The following PEBP4 variants were observed in gnomAD, a reference collection of about 807,000 sequenced individuals.
PEBP4 encodes phosphatidylethanolamine binding protein 4.
In PEBP4, 22 loss-of-function variants were observed where a neutral mutation model predicts 23.9. The observed-to-expected ratio is 0.92, with a 90% CI of 0.66 to 1.31. PEBP4 has a LOEUF of 1.31. PEBP4 is among the 40% of genes most tolerant of loss of function. The pLI is 0.00. For missense variants in PEBP4, 324 were observed against 281.7 expected (o/e 1.15, Z -1.07); for synonymous variants, 112 against 99.3 (o/e 1.13, Z -0.76).
intron 6 of PEBP4, among the ~76,000 whole-genome samples, chr8:22,723,408 G>A (rs191267923): frequency 4.6e-5 from 7 of 152,224 alleles, no homozygotes; most frequent in Admixed American, 2.6e-4. Context: ...ATCTCCCGAT[G>A]CTCTATCCTT....
intron 3 of PEBP4, among the ~76,000 whole-genome samples, chr8:22,833,514 T>C (rs1009245105): frequency 1.3e-5 from 2 of 152,144 alleles, no homozygotes; most frequent in South Asian, 2.1e-4. Context: ...GTATTTTTGG[T>C]AGAGATGGGG....
intron 4 of PEBP4, 124 bp from the exon 5 acceptor site, chr8:22,727,344 A>G (rs62494330): frequency 1.1e-6 from 1 of 941,134 alleles, no homozygotes; most frequent in East Asian, 2.6e-5. Flanking sequence ...ATGGGAGAAG[A>G]AGTAGGATGG....
At chr8:22,844,499 A>G (rs1465322257) in intron 3 of PEBP4, among the ~76,000 whole-genome samples, 1 of 152,166 alleles carries the variant, frequency 6.6e-6, no homozygotes, top group Non-Finnish European at 1.5e-5. Flanking sequence ...TCAGCCTCCC[A>G]AAGTGCTGGG....
chr8:22,741,561 A>C (rs1804995510), intron 4 of PEBP4, among the ~76,000 whole-genome samples: 1 of 152,148 alleles, frequency 6.6e-6, no homozygotes, highest in Admixed American at 6.5e-5. Context: ...TTGGGTACTG[A>C]CAGAGCCCCA....
At chr8:22,761,469 C>T (rs1805506682) in intron 4 of PEBP4, among the ~76,000 whole-genome samples, 1 of 152,310 alleles carries the variant, frequency 6.6e-6, no homozygotes, top group South Asian at 2.1e-4. Context: ...CATTTCCCAA[C>T]GTATCCCTCT....
intron 3 of PEBP4, among the ~76,000 whole-genome samples, chr8:22,850,114 GAA>G (rs113295175): frequency 7.2e-6 from 1 of 137,952 alleles, no homozygotes; most frequent in African/African-American, 2.7e-5. Flanking sequence ...TACTCTTTAA[GAA>G]AAAAAAAAAA....
At chr8:22,805,620 C>A (rs1008991903) in intron 4 of PEBP4, among the ~76,000 whole-genome samples, 1 of 152,206 alleles carries the variant, frequency 6.6e-6, no homozygotes, top group Non-Finnish European at 1.5e-5. Context: ...GCCACCATGC[C>A]CGGCCATGAT....
intron 4 of PEBP4, among the ~76,000 whole-genome samples, chr8:22,744,991 C>T (rs527495387): frequency 3.9e-5 from 6 of 152,270 alleles, no homozygotes; most frequent in Non-Finnish European, 7.4e-5. Flanking sequence ...TGTCCTGGCC[C>T]GTGATCTAAG....
intron 4 of PEBP4, among the ~76,000 whole-genome samples, chr8:22,750,510 A>G (rs1805232571): frequency 6.6e-6 from 1 of 152,230 alleles, no homozygotes; most frequent in South Asian, 2.1e-4. Flanking sequence ...TCTTCTTCCA[A>G]AATCAAGGTG....
At chr8:22,835,672 A>G (rs1249524702) in intron 3 of PEBP4, among the ~76,000 whole-genome samples, 1 of 152,118 alleles carries the variant, frequency 6.6e-6, no homozygotes, top group Non-Finnish European at 1.5e-5. Context: ...TGGGTCCCCC[A>G]CTATCCTGGG....
intron 6 of PEBP4, among the ~76,000 whole-genome samples, chr8:22,724,003 C>A (rs1388987450): frequency 6.6e-6 from 1 of 152,258 alleles, no homozygotes; most frequent in African/African-American, 2.4e-5. Context: ...ACTTGCCTTC[C>A]TGCCAGCCTG....
chr8:22,803,800 T>C (rs1360057558), intron 4 of PEBP4, among the ~76,000 whole-genome samples: 1 of 152,214 alleles, frequency 6.6e-6, no homozygotes, highest in Non-Finnish European at 1.5e-5. Context: ...GGCACCGTTG[T>C]TCACTCAGGC....
At chr8:22,933,016 A>G (rs1460629746) in intron 1 of PEBP4, among the ~76,000 whole-genome samples, 3 of 151,878 alleles carry the variant, frequency 2.0e-5, no homozygotes, top group Non-Finnish European at 4.4e-5. Context: ...AAAAAAAAAA[A>G]AAAAGGTTGG....
intron 1 of PEBP4, among the ~76,000 whole-genome samples, chr8:22,937,427 A>G (rs753852849): frequency 6.6e-5 from 10 of 152,222 alleles, no homozygotes; most frequent in Non-Finnish European, 1.5e-4. Flanking sequence ...TTTTGCTAAA[A>G]TAAATTAAAG....
intron 4 of PEBP4, among the ~76,000 whole-genome samples, chr8:22,784,471 C>T (rs148100518): frequency 4.5e-4 from 69 of 152,364 alleles, no homozygotes; most frequent in African/African-American, 1.6e-3. Flanking sequence ...GTAGCTGAGA[C>T]AGGCCTCCTA....
chr8:22,776,880 C>T (rs1805825190), intron 4 of PEBP4, among the ~76,000 whole-genome samples: 1 of 151,180 alleles, frequency 6.6e-6, no homozygotes, highest in African/African-American at 2.4e-5. Context: ...AGGTGGTTGG[C>T]ACATGGCCTC....
intron 2 of PEBP4, 98 bp from the exon 3 acceptor site, chr8:22,920,408 A>C: frequency 7.4e-7 from 1 of 1,345,714 alleles, no homozygotes; most frequent in Non-Finnish European, 1.0e-6. Context: ...GTAAAGTGAA[A>C]TGGGATCAAA....
At chr8:22,898,278 G>C (rs900765854) in intron 3 of PEBP4, among the ~76,000 whole-genome samples, 1 of 151,400 alleles carries the variant, frequency 6.6e-6, no homozygotes, top group African/African-American at 2.4e-5. Flanking sequence ...TGTGATCCCA[G>C]CTACTTGCAA....
intron 3 of PEBP4, among the ~76,000 whole-genome samples, chr8:22,892,992 G>T (rs958686898): frequency 6.6e-6 from 1 of 152,160 alleles, no homozygotes; most frequent in Non-Finnish European, 1.5e-5. Context: ...GCAGCTGTGC[G>T]GGGAGAGAAC....
Sources: gnomAD v4.1 joint callset for allele counts (sites outside exome capture counted in the v4.1 genomes callset) on GRCh38, gnomAD v4.1.1 for gene constraint, MANE v1.5 for transcripts, NCBI Gene and HGNC (gene_info 2026-07-23, HGNC 2026-07-21) for gene names.